Variants in TPRKB observed in about 807,000 individuals in gnomAD.
The protein encoded by TPRKB is TP53RK binding protein.
A neutral mutation model predicts 17.8 loss-of-function variants in TPRKB; 11 were observed. The observed-to-expected ratio is 0.62, with a 90% CI of 0.39 to 1.02. TPRKB has a LOEUF of 1.02. TPRKB is among the 50% of genes least tolerant of loss of function. TPRKB has a pLI of 0.00. For synonymous variants in TPRKB, 71 were observed against 69.5 expected (o/e 1.02, Z -0.11); for missense variants, 228 against 198.0 (o/e 1.15, Z -0.91).
chr2:73,735,464 T>C (rs1375537509), intron 1 of TPRKB, among the ~76,000 whole-genome samples: 1 of 152,138 alleles, frequency 6.6e-6, no homozygotes, highest in Non-Finnish European at 1.5e-5. Flanking sequence ...TGTGCACATG[T>C]ACCCTAGAAC....
chr2:73,737,055 G>A (rs1671920963), intron 1 of TPRKB, among the ~76,000 whole-genome samples: 1 of 152,132 alleles, frequency 6.6e-6, no homozygotes, highest in African/African-American at 2.4e-5. Flanking sequence ...TTTAGTCTGA[G>A]GACTAGCTCC....
chr2:73,734,218 C>A (rs1573149141), intron 2 of TPRKB, among the ~76,000 whole-genome samples: 1 of 151,974 alleles, frequency 6.6e-6, no homozygotes, highest in African/African-American at 2.4e-5. Flanking sequence ...CCTGCCTCAG[C>A]CTCCCGAGTA....
Position 73,730,596 on chromosome 2 carries a change from A to G in TPRKB, c.405T>C (p.Asn135=), listed in dbSNP as rs376455799. 1 of 1,589,782 alleles carries G rather than the reference A, an allele frequency of 6.3e-7. No individual in the cohort carries two copies. The highest frequency in any genetic ancestry group is 1.4e-5 in the African/African-American group (1 of 73,296). ...CTGTAATATTCATTATTTCAGGAAG[A>G]TTTTTCAGAGAAACCTGATGACCTT... ...QVEGHQVSLK[N]LPEIMNITEV... Residue 135 remains asparagine, a synonymous_variant, in exon 4 of 5, where the codon AAT becomes AAC. Coordinates refer to ENST00000272424, the MANE Select transcript of TPRKB (RefSeq NM_016058.5).
intron 4 of TPRKB, 63 bp downstream of exon 4, chr2:73,730,497 G>A: frequency 1.7e-6 from 2 of 1,182,916 alleles, no homozygotes; most frequent in Non-Finnish European, 1.2e-6. Context: ...TGATCAATAG[G>A]CAAACGGCAT....
rs1402326445 is a variant in TPRKB, at chr2:73,733,277, GAC to G, written c.142-994_142-993del. Reference sequence around the variant, plus strand: ...TTGTTTTTTTTTTTTTTTGGAGACAGACAGAGTCTCTCGCTCCATTGCCCAGG... The same window carrying G: ...TTGTTTTTTTTTTTTTTTGGAGACAGAGAGTCTCTCGCTCCATTGCCCAGG... On this transcript the variant is annotated intron_variant, in intron 2 of 4. Coordinates refer to ENST00000272424, the MANE Select transcript of TPRKB (RefSeq NM_016058.5). 3.3e-5 allele frequency among the ~76,000 whole-genome samples: 4 copies of G among 119,800 alleles called. No individual in the cohort carries two copies. In the East Asian group the frequency reaches 8.4e-4, roughly 25 times the overall value. The allele number at this position is 119,800 out of a possible 152,430, so 78.6% of individuals were successfully genotyped here.
At chr2:73,732,867 T>C (rs920842967) in intron 2 of TPRKB, among the ~76,000 whole-genome samples, 4 of 152,132 alleles carry the variant, frequency 2.6e-5, no homozygotes, top group African/African-American at 9.7e-5. Context: ...TTGCAAACAT[T>C]TTACTTGTAA....
In TPRKB at chr2:73,734,363, T is replaced by A; in HGVS notation, c.141+66A>T. On this transcript the variant is annotated intron_variant, in intron 2 of 4. Coordinates refer to ENST00000272424, the MANE Select transcript of TPRKB (RefSeq NM_016058.5). ...ATCCACCCGCCTCGGCCTCCTAAAG[T>A]GCTGGCATTACAGGCGTGAGCCACC... 2.0e-6 allele frequency: 3 copies of A among 1,524,766 alleles called. No individual in the cohort carries two copies. The South Asian group carries it at 3.8e-5, about 19-fold the overall frequency. The allele number at this position is 1,524,766 out of a possible 1,614,324, so 94.5% of individuals were successfully genotyped here.
rs542871596 is a variant in TPRKB, at chr2:73,734,478, C to A, written c.92G>T (p.Arg31Ile). 6.2e-7 allele frequency: 1 copy of A among 1,614,050 alleles called. No individual in the cohort carries two copies. The highest frequency in any genetic ancestry group is 1.3e-5 in the African/African-American group (1 of 75,056). The change falls in exon 2 of 5, where the codon AGA (arginine) becomes ATA (isoleucine). Residue 31 changes from arginine (R) to isoleucine (I), a missense_variant. By Grantham distance (97) the Arg-to-Ile change is moderately conservative (BLOSUM62 -3). Transcript: ENST00000272424. Reference sequence around the variant, plus strand: ...ATCGATGGTGCCTTCCATGGCCTTTCTTCTCAAGTCTCCCGCATTTTTTAC... The same window carrying A: ...ATCGATGGTGCCTTCCATGGCCTTTATTCTCAAGTCTCCCGCATTTTTTAC... ...KDVKNAGDLR[R>I]KAMEGTIDGS...
intron 3 of TPRKB, 88 bp downstream of exon 3, chr2:73,732,075 G>A: frequency 1.4e-6 from 2 of 1,443,838 alleles, no homozygotes; most frequent in Non-Finnish European, 1.9e-6. Context: ...CTAACCACTG[G>A]CTTGCAGGAA....
chr2:73,732,278 TCAA>T lies in TPRKB; in HGVS notation c.146_148del (p.Val49del). Reference sequence around the variant, plus strand: ...TGCTGCCACAAGTATCTGAAATGGATCAACAATCTACCAAAGCAAGGAAAAAGA... The same window carrying T: ...TGCTGCCACAAGTATCTGAAATGGATCAATCTACCAAAGCAAGGAAAAAGA... On this transcript the variant is annotated inframe_deletion, in exon 3 of 5. Coordinates refer to ENST00000272424, the MANE Select transcript of TPRKB (RefSeq NM_016058.5). 6.2e-7 allele frequency: 1 copy of T among 1,612,300 alleles called. No homozygotes were observed. The highest frequency in any genetic ancestry group is 8.5e-7 in the Non-Finnish European group (1 of 1,179,596).
chr2:73,731,122 T>G (rs1045291252), intron 3 of TPRKB: 13 of 159,390 alleles, frequency 8.2e-5, no homozygotes, highest in African/African-American at 3.1e-4. Context: ...TGCTCGCATG[T>G]CCCTTCTCCT....
At position 73,734,381 on chromosome 2, in the gene TPRKB, G is replaced by A. The variant is rs759086666; in HGVS notation, c.141+48C>T. ...CCTAAAGTGCTGGCATTACAGGCGT[G>A]AGCCACCGCACCCAGCAGGCTCATT... On this transcript the variant is annotated intron_variant, in intron 2 of 4. Transcript: ENST00000272424. 1.1e-5 allele frequency: 18 copies of A among 1,574,748 alleles called. 1 individual carries two copies. The African/African-American group carries it at 2.5e-4, about 21-fold the overall frequency.
At chr2:73,730,791 C>G (rs935050755) in intron 3 of TPRKB, 55 bp from the exon 4 acceptor site, 31 of 1,284,362 alleles carry the variant, frequency 2.4e-5, no homozygotes, top group Non-Finnish European at 3.1e-5. Context: ...TTGTTTCCTA[C>G]GTCTGAAACA....
intron 1 of TPRKB, among the ~76,000 whole-genome samples, chr2:73,735,349 A>AG (rs1233404617): frequency 2.0e-5 from 3 of 151,768 alleles, no homozygotes; most frequent in Non-Finnish European, 4.4e-5. Flanking sequence ...AAAAAAGAAT[A>AG]GGGGGAAGGG....
chr2:73,731,809 C>T (rs929194945), intron 3 of TPRKB: 4 of 172,980 alleles, frequency 2.3e-5, no homozygotes, highest in Middle Eastern at 2.7e-3. Context: ...AAGGAGTTTA[C>T]GGGAAGAGAG....
chr2:73,731,511 C>G (rs1266306791), intron 3 of TPRKB, among the ~76,000 whole-genome samples: 1 of 152,176 alleles, frequency 6.6e-6, no homozygotes, highest in African/African-American at 2.4e-5. Context: ...TGTCAATCAT[C>G]TGTATTTTAA....
In TPRKB at chr2:73,732,081, A is replaced by C. The variant is rs574474956; in HGVS notation, c.264+82T>G. 1.1e-4 allele frequency: 157 copies of C among 1,479,928 alleles called. No individual in the cohort carries two copies. In the South Asian group the frequency reaches 1.6e-3, roughly 15 times the overall value. 91.7% of individuals were successfully genotyped at this position (1,479,928 alleles called of 1,614,324 possible). The stretch of plus-strand genomic sequence containing the variant: ...GGTTTATTACTAACCACTGGCTTGC[A>C]GGAATTTAGCCTCCAACCCAACACT... On this transcript the variant is annotated intron_variant, in intron 3 of 4. Coordinates refer to ENST00000272424, the MANE Select transcript of TPRKB (RefSeq NM_016058.5).
At chr2:73,730,485 G>A in intron 4 of TPRKB, 75 bp downstream of exon 4, 1 of 1,044,130 alleles carries the variant, frequency 9.6e-7, no homozygotes, top group East Asian at 2.8e-5. Flanking sequence ...AAGGAGCTCT[G>A]GTGATCAATA....
rs1163606383 is a variant in TPRKB at position 73,734,676 on chromosome 2, AAAGT to A, written c.-22-89_-22-86del. The A allele has an allele frequency of 3.2e-6, 4 of 1,238,176 alleles. No individual in the cohort carries two copies. In the African/African-American group the frequency reaches 6.1e-5, roughly 19 times the overall value. The allele number at this position is 1,238,176 out of a possible 1,614,324, so 76.7% of individuals were successfully genotyped here. A position where few individuals can be genotyped will look rare whatever the true frequency, so the allele number is the denominator to read the frequency against. On this transcript the variant is annotated intron_variant, in intron 1 of 4. Transcript: ENST00000272424. ...TCTTAATAAATATTCAAAAACTTTGAAAGTAACTTGATAAAAGTGTTAAACTAGA... is the reference window on the plus strand; with the variant it reads ...TCTTAATAAATATTCAAAAACTTTGAAACTTGATAAAAGTGTTAAACTAGA...
Sources: gnomAD v4.1 joint callset for allele counts (sites outside exome capture counted in the v4.1 genomes callset) on GRCh38, gnomAD v4.1.1 for gene constraint, MANE v1.5 for transcripts, NCBI Gene and HGNC (gene_info 2026-07-23, HGNC 2026-07-21) for gene names.